Variants in MFSD8 observed in about 807,000 individuals in gnomAD.
MFSD8 encodes the protein major facilitator superfamily domain containing 8, also known as major facilitator superfamily domain-containing protein 8.
MFSD8 carries 55 observed loss-of-function variants against 66.4 expected under a neutral mutation model. The ratio of observed to expected loss-of-function variants is 0.83; its 90% CI spans 0.67 to 1.04. MFSD8 has a LOEUF of 1.04. Ranked by LOEUF, MFSD8 falls within the 50% of genes least tolerant of loss-of-function variation. MFSD8 has a pLI of 0.00. For missense variants in MFSD8, 550 were observed against 627.6 expected, an observed-to-expected ratio of 0.88 and a Z score of 1.32; for synonymous variants, 202 against 212.8, an observed-to-expected ratio of 0.95 and a Z score of 0.44.
At chr4:127,959,299 G>A (rs1281041473) in intron 1 of MFSD8, among the ~76,000 whole-genome samples, 2 of 152,190 alleles carry the variant, frequency 1.3e-5, no homozygotes, top group African/African-American at 4.8e-5. Context: ...AAAGAGATAG[G>A]TCAAAGGATA....
chr4:127,921,182 G>T, intron 11 of MFSD8: 1 of 564,448 alleles, frequency 1.8e-6, no homozygotes, highest in South Asian at 2.2e-5. Context: ...CACAAGTTTC[G>T]ATGACAGGTG....
chr4:127,932,896 C>A, intron 8 of MFSD8, 89 bp downstream of exon 8: 1 of 1,210,702 alleles, frequency 8.3e-7, no homozygotes, highest in Non-Finnish European at 1.2e-6. Flanking sequence ...ATAAGATTTT[C>A]AATAACATCT....
intron 11 of MFSD8, chr4:127,921,082 TTAAAA>T (rs1736279965): frequency 1.7e-6 from 1 of 572,918 alleles, no homozygotes; most frequent in African/African-American, 1.9e-5. Context: ...ATAAAATTGA[TTAAAA>T]TACCTTTTAA....
At position 127,962,804 on chromosome 4, in the gene MFSD8, A is replaced by G. The variant is rs536016441; in HGVS notation, c.62+2268T>C. On this transcript the variant is annotated intron_variant, in intron 1 of 11. Coordinates refer to ENST00000641686, the MANE Select transcript of MFSD8 (RefSeq NM_001371596.2). ...ATCTAAACTCATTTTAATGATCTCA[A>G]GATAAAATCAAGTAAAGATAAAACT... is the stretch of plus-strand genomic sequence containing the variant. Among the ~76,000 whole-genome samples the G allele has an allele frequency of 5.1e-4, 78 of 152,362 alleles. 1 individual carries two copies. In the East Asian group the frequency reaches 0.011, roughly 21 times the overall value.
At chr4:127,963,704 C>T (rs1744266136) in intron 1 of MFSD8, among the ~76,000 whole-genome samples, 1 of 152,120 alleles carries the variant, frequency 6.6e-6, no homozygotes, top group Non-Finnish European at 1.5e-5. Flanking sequence ...CCGTATGGTC[C>T]CAAAGAGTGA....
chr4:127,948,407 C>T (rs1741429992), intron 3 of MFSD8, among the ~76,000 whole-genome samples: 1 of 152,050 alleles, frequency 6.6e-6, no homozygotes, highest in Non-Finnish European at 1.5e-5. Context: ...GTATGAAATC[C>T]CAAGTCAAAA....
At chr4:127,922,625 CAAAA>C (rs764607537) in intron 9 of MFSD8, among the ~76,000 whole-genome samples, 4 of 120,160 alleles carry the variant, frequency 3.3e-5, no homozygotes, top group African/African-American at 1.2e-4. Context: ...ACCCTGTCGC[CAAAA>C]AAAAAAAAAG....
At position 127,943,938 on chromosome 4, in the gene MFSD8, G is replaced by C. The variant is rs1356954922; in HGVS notation, c.253C>G (p.Leu85Val). ...FLGWVIASYS[L>V]GQMVASPIFG... ...ATAGGTGAAGCTACCATTTGGCCAA[G>C]ACTATATGAAGCAATAACCCAGCCC... is the stretch of plus-strand genomic sequence containing the variant. The change falls in exon 4 of 12, where the codon CTT becomes GTT. Residue 85 changes from leucine (L) to valine (V), a missense_variant. Leu to Val is a conservative substitution (Grantham distance 32). Transcript: ENST00000641686. 1 of 1,614,032 alleles carries C rather than the reference G, an allele frequency of 6.2e-7. No homozygotes were observed. The highest frequency in any genetic ancestry group is 8.5e-7 in the Non-Finnish European group (1 of 1,180,034).
At chr4:127,947,866 AC>A (rs1741323319) in intron 3 of MFSD8, among the ~76,000 whole-genome samples, 1 of 122,582 alleles carries the variant, frequency 8.2e-6, no homozygotes, top group African/African-American at 3.5e-5. Context: ...ACGTGTGAAC[AC>A]ACACACACAC....
intron 5 of MFSD8, 39 bp downstream of exon 5, chr4:127,942,006 C>A (rs1421368289): frequency 1.3e-6 from 2 of 1,501,646 alleles, no homozygotes; most frequent in Non-Finnish European, 1.9e-6. Flanking sequence ...AAAGTTTTCC[C>A]AATTCAAATT....
intron 1 of MFSD8, 60 bp from the exon 2 acceptor site, chr4:127,957,652 G>A: frequency 5.2e-6 from 6 of 1,150,120 alleles, no homozygotes; most frequent in Non-Finnish European, 6.5e-6. Context: ...GATCTTAAGT[G>A]TCAACAGTTT....
At chr4:127,957,646 T>C (rs1181933000) in intron 1 of MFSD8, 54 bp from the exon 2 acceptor site, 1 of 1,208,536 alleles carries the variant, frequency 8.3e-7, no homozygotes, top group Non-Finnish European at 1.2e-6. Context: ...CATGTGGATC[T>C]TAAGTGTCAA....
Position 127,918,007 on chromosome 4 carries a change from G to C in MFSD8, c.*2623C>G. Reference sequence around the variant, plus strand: ...TTAACAGATTTCACTTTATGTAAGAGATAAGGTTTATATGAACAAGAAGAG... The same window carrying C: ...TTAACAGATTTCACTTTATGTAAGACATAAGGTTTATATGAACAAGAAGAG... On this transcript the variant is annotated 3_prime_UTR_variant, in exon 12 of 12. Transcript: ENST00000641686. 6.6e-6 allele frequency: 1 copy of C among 152,304 alleles called. No individual in the cohort carries two copies. Among genetic ancestry groups the C allele is most frequent in the Non-Finnish European group, 1.5e-5 (1 of 68,016 alleles). 9.4% of individuals were successfully genotyped at this position (152,304 alleles called of 1,614,324 possible).
chr4:127,939,827 T>G (rs904592268), intron 6 of MFSD8, 26 bp downstream of exon 6: 6 of 1,592,220 alleles, frequency 3.8e-6, no homozygotes, highest in Non-Finnish European at 4.3e-6. Flanking sequence ...TCTACAAAAA[T>G]AGTTTTATCA....
Position 127,921,519 on chromosome 4 carries a change from C to T in MFSD8, c.1350+5G>A, listed in dbSNP as rs754554609. 1 of 1,614,132 alleles carries T rather than the reference C, an allele frequency of 6.2e-7. No individual in the cohort carries two copies. Among genetic ancestry groups the T allele is most frequent in the South Asian group, 1.1e-5 (1 of 91,078 alleles). On this transcript the variant is annotated splice_donor_5th_base_variant and intron_variant, in intron 11 of 11. Transcript: ENST00000641686. The stretch of plus-strand genomic sequence containing the variant: ...ATAATTGCAATGTCAGGGTACCTGG[C>T]TTACCTGAGGTTTTGGTCCTAGAAT...
At chr4:127,943,508 C>A (rs1740543586) in intron 4 of MFSD8, 2 of 461,762 alleles carry the variant, frequency 4.3e-6, no homozygotes, top group South Asian at 4.3e-5. Flanking sequence ...GCACGTGCCA[C>A]CACACCTGGT....
Position 127,920,570 on chromosome 4 carries a change from C to T in MFSD8, c.*60G>A, listed in dbSNP as rs1736198477. On this transcript the variant is annotated 3_prime_UTR_variant, in exon 12 of 12. Transcript: ENST00000641686. ...AGACTGGCTCACCGCAATTGTCTAG[C>T]AGAGCTTTAGACCAGGAAGTGCCAC... The T allele has an allele frequency of 1.3e-6, 2 of 1,554,698 alleles. No homozygotes were observed. Among genetic ancestry groups the T allele is most frequent in the African/African-American group, 1.4e-5 (1 of 73,688 alleles).
At chr4:127,941,975 A>T in intron 5 of MFSD8, 70 bp downstream of exon 5, 1 of 1,203,230 alleles carries the variant, frequency 8.3e-7, no homozygotes, top group Non-Finnish European at 1.2e-6. Flanking sequence ...TACTTGGGTT[A>T]CACTGAATAT....
chr4:127,963,445 G>C (rs1744159149), intron 1 of MFSD8, among the ~76,000 whole-genome samples: 1 of 152,226 alleles, frequency 6.6e-6, no homozygotes, highest in South Asian at 2.1e-4. Context: ...GACCCTCGCG[G>C]TGAGTGTTAA....
Sources: allele counts gnomAD v4.1 joint callset (sites outside exome capture counted in the v4.1 genomes callset), GRCh38; gene constraint gnomAD v4.1.1; transcripts MANE v1.5; gene names NCBI Gene and HGNC (gene_info 2026-07-23, HGNC 2026-07-21).